The following ANKRD1 variants were observed in gnomAD, a reference collection of about 807,000 sequenced individuals.
The protein encoded by ANKRD1 is ankyrin repeat domain 1.
Under a neutral mutation model 40.1 loss-of-function variants are expected in ANKRD1, and 32 were observed. The observed-to-expected ratio is 0.80, with a 90% confidence interval of 0.60 to 1.07. The LOEUF (loss-of-function observed/expected upper bound fraction) is 1.07. Ranked by LOEUF, ANKRD1 falls within the 50% of genes least tolerant of loss-of-function variation. ANKRD1 has a pLI of 0.00. For synonymous variants in ANKRD1, 149 were observed against 141.2 expected, an observed-to-expected ratio of 1.06 and a Z score of -0.39; for missense variants, 359 against 386.0, an observed-to-expected ratio of 0.93 and a Z score of 0.59.
At chr10:90,914,679 G>C (rs1847350452) in intron 8 of ANKRD1, among the ~76,000 whole-genome samples, 1 of 151,600 alleles carries the variant, frequency 6.6e-6, no homozygotes, top group African/African-American at 2.4e-5. Context: ...CACAAATAAG[G>C]GGAGAAAATT....
chr10:90,918,813 A>G (rs1847398770), intron 4 of ANKRD1, 52 bp downstream of exon 4: 2 of 1,402,334 alleles, frequency 1.4e-6, no homozygotes, highest in Non-Finnish European at 1.0e-6. Context: ...GTAAAGCATA[A>G]GAAACATAAA....
At position 90,915,602 on chromosome 10, in the gene ANKRD1, G is replaced by A. The variant is rs786205461; in HGVS notation, c.790C>T (p.Arg264Cys). Residue 264 changes from arginine (R) to cysteine (C), a missense_variant, in exon 8 of 9, where the codon CGC becomes TGC. By Grantham distance (180) the Arg-to-Cys change is radical. Coordinates refer to ENST00000371697, the MANE Select transcript of ANKRD1 (RefSeq NM_014391.3). ...TPLHDAVRLN[R>C]YKMIRLLIMY... is the part of the protein sequence containing the mutation. ...ATCAGGAGTCGGATCATCTTATAGC[G>A]GTTCAGTCTCACCGCATCATGCAAC... The A allele has an allele frequency of 5.0e-6, 8 of 1,613,834 alleles. No homozygotes were observed. Among genetic ancestry groups the A allele is most frequent in the Non-Finnish European group, 6.8e-6 (8 of 1,179,984 alleles).
intron 1 of ANKRD1, 104 bp downstream of exon 1, chr10:90,920,897 A>G (rs1847430182): frequency 2.7e-6 from 3 of 1,114,502 alleles, no homozygotes; most frequent in South Asian, 2.6e-5. Flanking sequence ...TGACATTTTC[A>G]GAGTTCCCTT....
At chr10:90,919,408 C>T (rs922406117) in intron 2 of ANKRD1, 140 bp from the exon 3 acceptor site, 21 of 700,446 alleles carry the variant, frequency 3.0e-5, no homozygotes, top group South Asian at 1.8e-4. Flanking sequence ...TTATATAAAT[C>T]TTTGACTTCA....
chr10:90,916,135 G>A (rs1286505084), intron 6 of ANKRD1, 36 bp downstream of exon 6: 7 of 1,442,460 alleles, frequency 4.9e-6, no homozygotes, highest in Non-Finnish European at 6.7e-6. Context: ...GGGAGGGGGA[G>A]GGGGTGAATG....
intron 2 of ANKRD1, 97 bp from the exon 3 acceptor site, chr10:90,919,365 G>A (rs970443598): frequency 3.7e-6 from 4 of 1,091,356 alleles, no homozygotes; most frequent in South Asian, 2.8e-5. Context: ...AGATAAACAT[G>A]TGAACAGTTT....
intron 8 of ANKRD1, 114 bp downstream of exon 8, chr10:90,915,429 A>C (rs1041986364): frequency 1.2e-5 from 11 of 886,786 alleles, no homozygotes; most frequent in Non-Finnish European, 2.0e-5. Flanking sequence ...AGGGGCATTT[A>C]GACCATCGAA....
At chr10:90,917,589 C>G in intron 5 of ANKRD1, 143 bp downstream of exon 5, 1 of 695,640 alleles carries the variant, frequency 1.4e-6, no homozygotes. Context: ...TCCCAACTTT[C>G]CTTTATTTGG....
chr10:90,918,721 A>G (rs1564574462), intron 4 of ANKRD1, 144 bp downstream of exon 4: 21 of 720,130 alleles, frequency 2.9e-5, no homozygotes, highest in South Asian at 2.4e-4. Context: ...GAACTCTCCT[A>G]TTAGGCTCCT....
chr10:90,914,720 T>TCCC (rs55919759), intron 8 of ANKRD1, among the ~76,000 whole-genome samples: 46 of 79,724 alleles, frequency 5.8e-4, no homozygotes, highest in South Asian at 1.4e-3. Flanking sequence ...TGAGTTTCCC[T>TCCC]CCCCCCCCCC....
At chr10:90,920,754 G>A (rs1847427857) in intron 1 of ANKRD1, among the ~76,000 whole-genome samples, 1 of 151,954 alleles carries the variant, frequency 6.6e-6, no homozygotes, top group South Asian at 2.1e-4. Flanking sequence ...ATAACTACAC[G>A]TGATTCCACA....
rs762882780 is a variant in ANKRD1 at position 90,917,818 on chromosome 10, C to G, written c.466G>C (p.Ala156Pro). The stretch of plus-strand genomic sequence containing the variant: ...CCTTCCAAGCATGCTCTATGAAGAG[C>G]TGTCCGTTTATACTATCAGAACAGA... ...PDVCDEYKRTALHRACLEGHL... is the reference protein window; with the variant it reads ...PDVCDEYKRTPLHRACLEGHL... The change falls in exon 5 of 9, where the codon GCT becomes CCT. Residue 156 changes from alanine (A) to proline (P), a missense_variant. Coordinates refer to ENST00000371697, the MANE Select transcript of ANKRD1 (RefSeq NM_014391.3). 1 of 1,613,784 alleles carries G rather than the reference C, an allele frequency of 6.2e-7. No individual in the cohort carries two copies. The highest frequency in any genetic ancestry group is 8.5e-7 in the Non-Finnish European group (1 of 1,179,750).
chr10:90,915,772 A>G lies in ANKRD1; in HGVS notation c.750+10T>C. ...AGCTTTGGGAAACCCGAGCGTGTCCAGCTACTCACTCTGTCTTTGGCGTTG... is the reference window on the plus strand; with the variant it reads ...AGCTTTGGGAAACCCGAGCGTGTCCGGCTACTCACTCTGTCTTTGGCGTTG... On this transcript the variant is annotated intron_variant, in intron 7 of 8. Coordinates refer to ENST00000371697, the MANE Select transcript of ANKRD1 (RefSeq NM_014391.3). The G allele has an allele frequency of 6.2e-7, 1 of 1,613,864 alleles. No individual in the cohort carries two copies.
At position 90,916,207 on chromosome 10, in the gene ANKRD1, C is replaced by A. The variant is rs1284770304; in HGVS notation, c.615G>T (p.Leu205Phe). Residue 205 changes from leucine to phenylalanine, a missense_variant, in exon 6 of 9, where the codon TTG (leucine) becomes TTT (phenylalanine). Transcript: ENST00000371697. The stretch of plus-strand genomic sequence containing the variant: ...CGCTAATTTTTGCTCCTTTATTCAG[C>A]AACAATTTTAAAACATCCAGGTTTC... ...RGGNLDVLKL[L>F]LNKGAKISAR... 8 of 1,613,736 alleles carry A rather than the reference C, an allele frequency of 5.0e-6. No homozygotes were observed. The highest frequency in any genetic ancestry group is 6.8e-6 in the Non-Finnish European group (8 of 1,179,966).
intron 8 of ANKRD1, 113 bp downstream of exon 8, chr10:90,915,430 G>T (rs1847357839): frequency 2.2e-6 from 2 of 897,136 alleles, no homozygotes; most frequent in Non-Finnish European, 3.6e-6. Context: ...GGGGCATTTA[G>T]ACCATCGAAG....
chr10:90,915,508 G>T, intron 8 of ANKRD1, 35 bp downstream of exon 8: 1 of 1,569,846 alleles, frequency 6.4e-7, no homozygotes, highest in Admixed American at 1.7e-5. Flanking sequence ...AAATTGGAAA[G>T]CTTGCAAGCG....
chr10:90,915,475 A>T, intron 8 of ANKRD1, 68 bp downstream of exon 8: 1 of 1,398,390 alleles, frequency 7.2e-7, no homozygotes, highest in Non-Finnish European at 1.0e-6. Context: ...GAGTCGTTTC[A>T]CCTATTTAAG....
intron 8 of ANKRD1, among the ~76,000 whole-genome samples, chr10:90,914,510 A>C (rs1465148121): frequency 6.6e-6 from 1 of 151,950 alleles, no homozygotes; most frequent in Admixed American, 6.6e-5. Flanking sequence ...TGATAGTTTA[A>C]AAAAATATTA....
chr10:90,916,693 G>A (rs1847377494), intron 5 of ANKRD1, among the ~76,000 whole-genome samples: 1 of 152,180 alleles, frequency 6.6e-6, no homozygotes, highest in African/African-American at 2.4e-5. Context: ...AGAATACACA[G>A]TCAAACTCCC....
Sources: allele counts gnomAD v4.1 joint callset (sites outside exome capture counted in the v4.1 genomes callset), GRCh38; gene constraint gnomAD v4.1.1; transcripts MANE v1.5; gene names NCBI Gene and HGNC (gene_info 2026-07-23, HGNC 2026-07-21).